Variants in ARL5B observed in about 807,000 individuals in gnomAD.
The protein encoded by ARL5B is ADP-ribosylation factor-like protein 5B.
In ARL5B, 10 loss-of-function variants were observed where a neutral mutation model predicts 26.9. That is an observed-to-expected ratio of 0.37 (90% CI 0.23 to 0.63). The LOEUF is 0.63. ARL5B is among the 30% of genes least tolerant of loss of function. The probability of loss-of-function intolerance (pLI) is 0.62; values close to 1 mark genes in which losing one functional copy is unlikely to be tolerated. For missense variants in ARL5B, 167 were observed against 213.9 expected, an observed-to-expected ratio of 0.78 and a Z score of 1.37; for synonymous variants, 87 against 70.4, an observed-to-expected ratio of 1.24 and a Z score of -1.18.
chr10:18,668,717 C>G lies in ARL5B; in HGVS notation c.255+40C>G, dbSNP rs200604463. 1.9e-5 allele frequency: 31 copies of G among 1,596,736 alleles called. No homozygotes were observed. In the East Asian group the frequency reaches 4.7e-4, roughly 24 times the overall value. Reference sequence around the variant, plus strand: ...ATTTTGAATTTTAATCCAAAGGTCCCTAGAGTAAACATAGAAAGTAATTAG... The same window carrying G: ...ATTTTGAATTTTAATCCAAAGGTCCGTAGAGTAAACATAGAAAGTAATTAG... On this transcript the variant is annotated intron_variant, in intron 3 of 5. Coordinates refer to ENST00000377275, the MANE Select transcript of ARL5B (RefSeq NM_178815.5).
chr10:18,661,642 C>T (rs1259158934), intron 1 of ARL5B, among the ~76,000 whole-genome samples: 3 of 151,910 alleles, frequency 2.0e-5, no homozygotes, highest in Non-Finnish European at 4.4e-5. Flanking sequence ...CATCAATAAA[C>T]GAGACAAACA....
At position 18,659,654 on chromosome 10, in the gene ARL5B, C is replaced by T. The variant is rs1373286630; in HGVS notation, c.17C>T (p.Ala6Val). Residue 6 changes from alanine (A) to valine (V), a missense_variant, in exon 1 of 6, where the codon GCC (alanine) becomes GTC (valine). Coordinates refer to ENST00000377275, the MANE Select transcript of ARL5B (RefSeq NM_178815.5). Reference protein sequence around the residue: MGLIFAKLWSLFCNQE... With the variant: MGLIFVKLWSLFCNQE... Reference sequence around the variant, plus strand: ...GTGCTCGTGATGGGGCTGATCTTCGCCAAACTGTGGAGCCTCTTCTGTAAC... The same window carrying T: ...GTGCTCGTGATGGGGCTGATCTTCGTCAAACTGTGGAGCCTCTTCTGTAAC... 1 of 1,613,314 alleles carries T rather than the reference C, an allele frequency of 6.2e-7. No homozygotes were observed. The highest frequency in any genetic ancestry group is 2.2e-5 in the East Asian group (1 of 44,782).
chr10:18,678,206 A>G lies in ARL5B; in HGVS notation c.*2990A>G, dbSNP rs1008702514. On this transcript the variant is annotated 3_prime_UTR_variant, in exon 6 of 6. Coordinates refer to ENST00000377275, the MANE Select transcript of ARL5B (RefSeq NM_178815.5). ...TTAAAAGCTGAAGATTAAATATGTA[A>G]TTTTTGCTTTTAGTTTCTTGTGTTA... 6.6e-6 allele frequency: 1 copy of G among 151,798 alleles called. No individual in the cohort carries two copies. Among genetic ancestry groups the G allele is most frequent in the African/African-American group, 2.4e-5 (1 of 41,516 alleles). The allele number at this position is 151,798 out of a possible 1,614,324, so 9.4% of individuals were successfully genotyped here.
intron 4 of ARL5B, among the ~76,000 whole-genome samples, chr10:18,673,221 C>T (rs1183300220): frequency 6.6e-6 from 1 of 151,972 alleles, no homozygotes; most frequent in Non-Finnish European, 1.5e-5. Context: ...GCCACCACGC[C>T]TGGTTAATTT....
Position 18,679,292 on chromosome 10 carries a change from G to T in ARL5B, c.*4076G>T, listed in dbSNP as rs1462667315. The T allele has an allele frequency of 1.3e-5, 2 of 151,898 alleles. No homozygotes were observed. Among genetic ancestry groups the T allele is most frequent in the Non-Finnish European group, 2.9e-5 (2 of 67,814 alleles). 9.4% of individuals were successfully genotyped at this position (151,898 alleles called of 1,614,324 possible). On this transcript the variant is annotated 3_prime_UTR_variant, in exon 6 of 6. Coordinates refer to ENST00000377275, the MANE Select transcript of ARL5B (RefSeq NM_178815.5). ...ATAATTTACCTTATTTTCTTGGCTTGTACTAATTGAATGGAAGTGGTTAAT... is the reference window on the plus strand; with the variant it reads ...ATAATTTACCTTATTTTCTTGGCTTTTACTAATTGAATGGAAGTGGTTAAT...
rs189992832 is a variant in ARL5B at position 18,668,699 on chromosome 10, A to G, written c.255+22A>G. 211 of 1,609,604 alleles carry G rather than the reference A, an allele frequency of 1.3e-4. 1 individual carries two copies. Among genetic ancestry groups the G allele is most frequent in the Non-Finnish European group, 1.3e-4 (157 of 1,177,722 alleles). On this transcript the variant is annotated intron_variant, in intron 3 of 5. Coordinates refer to ENST00000377275, the MANE Select transcript of ARL5B (RefSeq NM_178815.5). ...AGAGGTATGCTAAGATGAATTTTGA[A>G]TTTTAATCCAAAGGTCCCTAGAGTA...
chr10:18,661,673 T>C (rs1419438709), intron 1 of ARL5B, among the ~76,000 whole-genome samples: 1 of 152,196 alleles, frequency 6.6e-6, no homozygotes, highest in Non-Finnish European at 1.5e-5. Flanking sequence ...TGCAGTGTGG[T>C]AAATTATTTA....
Position 18,674,093 on chromosome 10 carries a change from A to T in ARL5B, c.449A>T (p.His150Leu). The change falls in exon 5 of 6, where the codon CAT becomes CTT. Residue 150 changes from histidine to leucine, a missense_variant. Coordinates refer to ENST00000377275, the MANE Select transcript of ARL5B (RefSeq NM_178815.5). The stretch of plus-strand genomic sequence containing the variant: ...CTCACCCTTAGTTCAATTAAGGATC[A>T]TCCATGGCACATTCAATCCTGCTGT... ...KYLTLSSIKD[H>L]PWHIQSCCAL... 1 of 1,612,952 alleles carries T rather than the reference A, an allele frequency of 6.2e-7. No individual in the cohort carries two copies. The highest frequency in any genetic ancestry group is 8.5e-7 in the Non-Finnish European group (1 of 1,179,404).
At position 18,681,016 on chromosome 10, in the gene ARL5B, A is replaced by G. The variant is rs1241440178; in HGVS notation, c.*5800A>G. The G allele has an allele frequency of 1.3e-5, 2 of 152,176 alleles. No individual in the cohort carries two copies. The highest frequency in any genetic ancestry group is 6.6e-5 in the Admixed American group (1 of 15,262). 9.4% of individuals were successfully genotyped at this position (152,176 alleles called of 1,614,324 possible). The stretch of plus-strand genomic sequence containing the variant: ...TATATGTGCATTTCTTAAGATTTAA[A>G]TACAAACTGTTGTTACTCCTTAAGC... On this transcript the variant is annotated 3_prime_UTR_variant, in exon 6 of 6. Transcript: ENST00000377275.
intron 3 of ARL5B, among the ~76,000 whole-genome samples, chr10:18,670,376 C>T (rs1273335845): frequency 2.0e-5 from 3 of 152,098 alleles, no homozygotes; most frequent in African/African-American, 7.2e-5. Flanking sequence ...TTTGGTAGGC[C>T]GAGGTGGGCA....
Position 18,681,233 on chromosome 10 carries a change from TG to T in ARL5B, c.*6019del, listed in dbSNP as rs2131657833. 1 of 152,258 alleles carries T rather than the reference TG, an allele frequency of 6.6e-6. No homozygotes were observed. Among genetic ancestry groups the T allele is most frequent in the South Asian group, 2.1e-4 (1 of 4,826 alleles). 9.4% of individuals were successfully genotyped at this position (152,258 alleles called of 1,614,324 possible). On this transcript the variant is annotated 3_prime_UTR_variant, in exon 6 of 6. Transcript: ENST00000377275. ...CCCCAGCCAAACAAATGTGTTCCATTGGTCCAATATATAAGCATTAACAACA... is the reference window on the plus strand; with the variant it reads ...CCCCAGCCAAACAAATGTGTTCCATTGTCCAATATATAAGCATTAACAACA...
intron 3 of ARL5B, among the ~76,000 whole-genome samples, chr10:18,671,114 G>A (rs375784792): frequency 4.3e-4 from 65 of 152,160 alleles, no homozygotes; most frequent in African/African-American, 1.3e-3. Flanking sequence ...CATTCTTTCC[G>A]TTTATTCCCT....
At chr10:18,672,601 T>G in intron 3 of ARL5B, 21 bp from the exon 4 acceptor site, 1 of 1,585,636 alleles carries the variant, frequency 6.3e-7, no homozygotes, top group Non-Finnish European at 8.6e-7. Context: ...TTTTCTGTCT[T>G]TCCTTTTAAT....
chr10:18,659,476 G>C lies in ARL5B; in HGVS notation c.-162G>C. ...CTGTCCGGTGGGGATTCGTCGCGGC[G>C]CCTTCTGAGTGGTCGGGTCGAGGCT... On this transcript the variant is annotated 5_prime_UTR_variant, in exon 1 of 6. Transcript: ENST00000377275. 2 of 885,640 alleles carry C rather than the reference G, an allele frequency of 2.3e-6. No individual in the cohort carries two copies. Among genetic ancestry groups the C allele is most frequent in the Non-Finnish European group, 1.6e-6 (1 of 616,294 alleles). 54.9% of individuals were successfully genotyped at this position (885,640 alleles called of 1,614,324 possible).
At chr10:18,674,166 C>G (rs768221271) in intron 5 of ARL5B, 31 bp downstream of exon 5, 1 of 1,567,144 alleles carries the variant, frequency 6.4e-7, no homozygotes. Flanking sequence ...GGAGGTATGA[C>G]TTCTTTCAAA....
At chr10:18,670,475 G>A (rs1320826835) in intron 3 of ARL5B, among the ~76,000 whole-genome samples, 2 of 152,076 alleles carry the variant, frequency 1.3e-5, no homozygotes, top group Non-Finnish European at 2.9e-5. Flanking sequence ...GCCAGGCATG[G>A]TGGCATGTGC....
intron 1 of ARL5B, 74 bp downstream of exon 1, chr10:18,659,757 C>G: frequency 1.3e-6 from 2 of 1,583,374 alleles, no homozygotes; most frequent in Non-Finnish European, 1.7e-6. Flanking sequence ...ACACCGGAGA[C>G]AGGGGACAGA....
At chr10:18,659,735 C>T (rs535004884) in intron 1 of ARL5B, 52 bp downstream of exon 1, 5 of 1,595,910 alleles carry the variant, frequency 3.1e-6, no homozygotes, top group Non-Finnish European at 4.3e-6. Context: ...GAGGGTCCCG[C>T]CGCCGATGGG....
At chr10:18,669,541 TTTATTTC>T (rs926413672) in intron 3 of ARL5B, among the ~76,000 whole-genome samples, 5 of 152,222 alleles carry the variant, frequency 3.3e-5, no homozygotes, top group African/African-American at 1.2e-4. Context: ...TATTTCTGCT[TTTATTTC>T]TTATTAGAGG....
Sources: gnomAD v4.1 joint callset for allele counts (sites outside exome capture counted in the v4.1 genomes callset) on GRCh38, gnomAD v4.1.1 for gene constraint, MANE v1.5 for transcripts, NCBI Gene and HGNC (gene_info 2026-07-23, HGNC 2026-07-21) for gene names.